The following STYK1 variants were observed in gnomAD, a reference collection of about 807,000 sequenced individuals.
The protein encoded by STYK1 is STY kinase 1, also known as tyrosine-protein kinase STYK1.
A neutral mutation model predicts 48.1 loss-of-function variants in STYK1; 46 were observed. That is an observed-to-expected ratio of 0.96 (90% CI 0.75 to 1.22). The LOEUF is 1.22. Ranked by LOEUF, STYK1 falls within the 50% of genes most tolerant of loss-of-function variation. The pLI is 0.00. For missense variants in STYK1, 527 were observed against 521.1 expected, an observed-to-expected ratio of 1.01 and a Z score of -0.11; for synonymous variants, 188 against 189.0, an observed-to-expected ratio of 0.99 and a Z score of 0.04.
intron 1 of STYK1, among the ~76,000 whole-genome samples, chr12:10,662,103 G>A (rs1302346323): frequency 3.9e-5 from 6 of 152,178 alleles, no homozygotes; most frequent in Non-Finnish European, 7.3e-5. Flanking sequence ...CATATAAATT[G>A]ACTCATACAG....
At chr12:10,636,108 C>A (rs1160078919) in intron 2 of STYK1, among the ~76,000 whole-genome samples, 1 of 152,186 alleles carries the variant, frequency 6.6e-6, no homozygotes, top group Non-Finnish European at 1.5e-5. Flanking sequence ...TGTCCTCTAT[C>A]ATTACATTAT....
At chr12:10,647,006 CA>C (rs1185310234) in intron 1 of STYK1, among the ~76,000 whole-genome samples, 1 of 152,212 alleles carries the variant, frequency 6.6e-6, no homozygotes, top group Admixed American at 6.5e-5. Flanking sequence ...GATGCCTATG[CA>C]AAAGTTTCCT....
rs191107234 is a variant in STYK1 at position 10,639,694 on chromosome 12, G to A, written c.-194-2498C>T. Among the ~76,000 whole-genome samples the A allele has an allele frequency of 3.2e-4, 48 of 152,226 alleles. 1 individual carries two copies. The East Asian group carries it at 6.6e-3, about 21-fold the overall frequency. ...CTCCCAAAGTACTGGGATTACAGGCGTGAGCCACTGTACCCCACCAAATTA... is the reference window on the plus strand; with the variant it reads ...CTCCCAAAGTACTGGGATTACAGGCATGAGCCACTGTACCCCACCAAATTA... On this transcript the variant is annotated intron_variant, in intron 1 of 10. Coordinates refer to ENST00000075503, the MANE Select transcript of STYK1 (RefSeq NM_018423.3).
At position 10,640,126 on chromosome 12, in the gene STYK1, C is replaced by G. The variant is rs141241600; in HGVS notation, c.-194-2930G>C. Among the ~76,000 whole-genome samples the G allele has an allele frequency of 4.0e-3, 613 of 152,220 alleles. 2 individuals carry two copies. The highest frequency in any genetic ancestry group is 0.013 in the African/African-American group (553 of 41,530). On this transcript the variant is annotated intron_variant, in intron 1 of 10. Transcript: ENST00000075503. ...TGTTCATTTTCCTGGGTCTGATCCC[C>G]AATCCTATTTCTATCTTCTGCTTTT...
chr12:10,620,861 A>T (rs148957810), intron 10 of STYK1, among the ~76,000 whole-genome samples: 1 of 152,210 alleles, frequency 6.6e-6, no homozygotes, highest in Admixed American at 6.5e-5. Context: ...CAAGTACCAG[A>T]GGTTGTGGTA....
At chr12:10,669,248 A>T (rs540277115) in intron 1 of STYK1, among the ~76,000 whole-genome samples, 1 of 152,222 alleles carries the variant, frequency 6.6e-6, no homozygotes, top group African/African-American at 2.4e-5. Context: ...TATAATACTA[A>T]AAGTACAAGG....
chr12:10,621,939 CT>C lies in STYK1; in HGVS notation c.1000del (p.Ser334AlafsTer3), dbSNP rs1865913498. 1 of 1,613,738 alleles carries C rather than the reference CT, an allele frequency of 6.2e-7. No individual in the cohort carries two copies. Among genetic ancestry groups the C allele is most frequent in the Non-Finnish European group, 8.5e-7 (1 of 1,179,834 alleles). ...CCTTCTTTGGAGATGCTCTAGGATG[CT>C]GGTAGGAGGGACTTCAGGATACGGT... ...APPYPEVPPT[S>X]ILEHLQRRKI... On this transcript the variant is annotated frameshift_variant, in exon 10 of 11. Transcript: ENST00000075503. LOFTEE classifies it high-confidence loss of function.
chr12:10,642,714 A>G (rs1318258340), intron 1 of STYK1, among the ~76,000 whole-genome samples: 1 of 152,244 alleles, frequency 6.6e-6, no homozygotes, highest in Non-Finnish European at 1.5e-5. Flanking sequence ...TTATACTTCA[A>G]CTAGGTGTCA....
intron 1 of STYK1, among the ~76,000 whole-genome samples, chr12:10,659,423 C>T (rs897722821): frequency 4.6e-5 from 7 of 152,086 alleles, no homozygotes; most frequent in African/African-American, 1.7e-4. Flanking sequence ...TTTTTATTAC[C>T]AAGTCTTTGA....
chr12:10,641,054 A>G lies in STYK1; in HGVS notation c.-194-3858T>C, dbSNP rs570781672. Among the ~76,000 whole-genome samples the G allele has an allele frequency of 2.6e-5, 4 of 152,318 alleles. No individual in the cohort carries two copies. The South Asian group carries it at 8.3e-4, about 32-fold the overall frequency. On this transcript the variant is annotated intron_variant, in intron 1 of 10. Coordinates refer to ENST00000075503, the MANE Select transcript of STYK1 (RefSeq NM_018423.3). ...TTTCAAAGAAAAGCCCAGAAATAGC[A>G]TATCTTAAATTAAATATTCTCCTGC...
intron 1 of STYK1, among the ~76,000 whole-genome samples, chr12:10,662,733 T>C (rs1947790858): frequency 2.6e-5 from 4 of 152,230 alleles, no homozygotes; most frequent in Admixed American, 2.6e-4. Flanking sequence ...ATTGTGTAAG[T>C]ACCCAGTATA....
At chr12:10,652,875 C>T (rs1947676745) in intron 1 of STYK1, among the ~76,000 whole-genome samples, 1 of 152,152 alleles carries the variant, frequency 6.6e-6, no homozygotes, top group Admixed American at 6.5e-5. Flanking sequence ...TTCACTTTGG[C>T]TTCAACTTCC....
At chr12:10,629,270 G>C (rs1404875405) in intron 6 of STYK1, among the ~76,000 whole-genome samples, 1 of 152,280 alleles carries the variant, frequency 6.6e-6, no homozygotes, top group Non-Finnish European at 1.5e-5. Context: ...CACACTTCAA[G>C]TGTCTAGAAG....
At chr12:10,662,365 T>C (rs1205832667) in intron 1 of STYK1, among the ~76,000 whole-genome samples, 1 of 152,264 alleles carries the variant, frequency 6.6e-6, no homozygotes, top group East Asian at 1.9e-4. Context: ...TGTTTACTTT[T>C]TCCTTGGTAT....
In STYK1 at chr12:10,629,488, C is replaced by T; in HGVS notation, c.633+5G>A. On this transcript the variant is annotated splice_donor_5th_base_variant and intron_variant, in intron 6 of 10. Coordinates refer to ENST00000075503, the MANE Select transcript of STYK1 (RefSeq NM_018423.3). The stretch of plus-strand genomic sequence containing the variant: ...ACCTCCTAATACCTCTGCCCTACTG[C>T]TCACCCGCCGACAGGTCCAGAGAAA... 6.2e-7 allele frequency: 1 copy of T among 1,613,780 alleles called. No homozygotes were observed. Among genetic ancestry groups the T allele is most frequent in the South Asian group, 1.1e-5 (1 of 91,054 alleles).
At position 10,623,912 on chromosome 12, in the gene STYK1, G is replaced by GA. The variant is rs1947327073; in HGVS notation, c.926+738dup. Among the ~76,000 whole-genome samples, 4 of 151,990 alleles carry GA rather than the reference G, an allele frequency of 2.6e-5. No individual in the cohort carries two copies. The South Asian group carries it at 6.2e-4, about 24-fold the overall frequency. On this transcript the variant is annotated intron_variant, in intron 8 of 10. Coordinates refer to ENST00000075503, the MANE Select transcript of STYK1 (RefSeq NM_018423.3). Reference sequence around the variant, plus strand: ...ATAAAAAGAAGCCTTGCCCCTCCTTGAAAAAAACAGATAATGTACATTTAT... The same window carrying GA: ...ATAAAAAGAAGCCTTGCCCCTCCTTGAAAAAAAACAGATAATGTACATTTAT...
intron 1 of STYK1, among the ~76,000 whole-genome samples, chr12:10,643,153 C>T (rs1029373872): frequency 6.6e-6 from 1 of 152,196 alleles, no homozygotes; most frequent in Non-Finnish European, 1.5e-5. Context: ...AATCTGGAGC[C>T]CTCACCTGAA....
intron 1 of STYK1, among the ~76,000 whole-genome samples, chr12:10,649,005 C>T (rs1947630789): frequency 6.6e-6 from 1 of 152,164 alleles, no homozygotes; most frequent in Admixed American, 6.5e-5. Context: ...GCCTGAATGG[C>T]ATTCATAATT....
rs371299525 is a variant in STYK1, at chr12:10,626,693, C to T, written c.717+948G>A. ...AATTTTTTATCTTAAACCCTGAGTT[C>T]TTTCTCTTATCTCGTTATTTAAGTT... On this transcript the variant is annotated intron_variant, in intron 7 of 10. Coordinates refer to ENST00000075503, the MANE Select transcript of STYK1 (RefSeq NM_018423.3). Among the ~76,000 whole-genome samples, 16 of 152,126 alleles carry T rather than the reference C, an allele frequency of 1.1e-4. No homozygotes were observed. The East Asian group carries it at 2.7e-3, about 26-fold the overall frequency.
Sources: gnomAD v4.1 joint callset for allele counts (sites outside exome capture counted in the v4.1 genomes callset) on GRCh38, gnomAD v4.1.1 for gene constraint, MANE v1.5 for transcripts, NCBI Gene and HGNC (gene_info 2026-07-23, HGNC 2026-07-21) for gene names.